BAIAP2: variants seen among roughly 807,000 people sequenced by gnomAD.
The protein encoded by BAIAP2 is BAR/IMD domain-containing adapter protein 2.
BAIAP2 carries 18 observed loss-of-function variants against 63.0 expected under a neutral mutation model. That is an observed-to-expected ratio of 0.29 (90% CI 0.20 to 0.42). The LOEUF is 0.42. Ranked by LOEUF, BAIAP2 falls within the 10% of genes least tolerant of loss-of-function variation. The probability of loss-of-function intolerance (pLI) is 1.00; values close to 1 mark genes in which losing one functional copy is unlikely to be tolerated. For missense variants in BAIAP2, 610 were observed against 734.3 expected (o/e 0.83, Z 1.96); for synonymous variants, 386 against 307.6 (o/e 1.25, Z -2.67).
intron 3 of BAIAP2, among the ~76,000 whole-genome samples, chr17:81,060,393 C>G (rs752300743): frequency 1.6e-4 from 24 of 152,332 alleles, no homozygotes; most frequent in Non-Finnish European, 2.8e-4. Context: ...ACCACTGTGT[C>G]TGTCTCTCCG....
rs111344976 is a variant in BAIAP2, at chr17:81,090,378, T to A, written c.489+3798T>A. Among the ~76,000 whole-genome samples the A allele has an allele frequency of 1.7e-4, 26 of 152,338 alleles. 2 individuals carry two copies. The highest frequency in any genetic ancestry group is 6.3e-4 in the African/African-American group (26 of 41,580). ...GGACCTCCGCCTCTGCTCCTCCCCA[T>A]CCGCCTCCTTCCTCTGTCAATGGGA... On this transcript the variant is annotated intron_variant, in intron 6 of 13. Coordinates refer to ENST00000428708, the MANE Select transcript of BAIAP2 (RefSeq NM_001144888.2).
intron 6 of BAIAP2, chr17:81,087,505 C>T (rs1029381849): frequency 4.6e-5 from 7 of 152,274 alleles, no homozygotes; most frequent in African/African-American, 1.7e-4. Flanking sequence ...CCCCCGCTCC[C>T]TGCTTAACTG....
At chr17:81,068,661 C>T (rs901649662) in intron 3 of BAIAP2, among the ~76,000 whole-genome samples, 1 of 152,230 alleles carries the variant, frequency 6.6e-6, no homozygotes, top group Admixed American at 6.5e-5. Context: ...CCCCGCTTCC[C>T]TGCCCTGGGG....
At position 81,053,670 on chromosome 17, in the gene BAIAP2, C is replaced by A; in HGVS notation, c.57C>A (p.Thr19=). 6.2e-7 allele frequency: 1 copy of A among 1,614,122 alleles called. No individual in the cohort carries two copies. Among genetic ancestry groups the A allele is most frequent in the African/African-American group, 1.3e-5 (1 of 75,052 alleles). ...MHRLTENVYK[T]IMEQFNPSLR... is the part of the protein sequence containing the mutation. ...GTTTCTTCTCTGCTTTCTTCCAGAC[C>A]ATCATGGAGCAGTTCAACCCTAGCC... Residue 19 remains threonine, a splice_region_variant and synonymous_variant, in exon 2 of 14, where the codon ACC becomes ACA. Coordinates refer to ENST00000428708, the MANE Select transcript of BAIAP2 (RefSeq NM_001144888.2).
intron 13 of BAIAP2, 51 bp from the exon 14 acceptor site, chr17:81,115,719 T>C: frequency 6.2e-7 from 1 of 1,610,636 alleles, no homozygotes; most frequent in Non-Finnish European, 8.5e-7. Context: ...GGTGGCACAA[T>C]TCACCCATGG....
At position 81,104,690 on chromosome 17, in the gene BAIAP2, T is replaced by C; in HGVS notation, c.1243T>C (p.Tyr415His). ...LVPEARDGWH[Y>H]GESEKTKMRG... ...GCCTGAGGCCCGCGATGGCTGGCAC[T>C]ACGGAGAGAGTGAGAAGACCAAGAT... is the stretch of plus-strand genomic sequence containing the variant. Residue 415 changes from tyrosine to histidine, a missense_variant, in exon 10 of 14, where the codon TAC becomes CAC. Coordinates refer to ENST00000428708, the MANE Select transcript of BAIAP2 (RefSeq NM_001144888.2). 6.3e-7 allele frequency: 1 copy of C among 1,594,192 alleles called. No individual in the cohort carries two copies. The highest frequency in any genetic ancestry group is 8.5e-7 in the Non-Finnish European group (1 of 1,170,670).
intron 1 of BAIAP2, among the ~76,000 whole-genome samples, chr17:81,044,324 C>T (rs888992432): frequency 2.0e-5 from 3 of 152,200 alleles, no homozygotes; most frequent in South Asian, 2.1e-4. Flanking sequence ...CTGCGATTGG[C>T]GGTAATGAGT....
At chr17:81,086,691 C>A in intron 6 of BAIAP2, 111 bp downstream of exon 6, 1 of 1,274,846 alleles carries the variant, frequency 7.8e-7, no homozygotes, top group Non-Finnish European at 1.1e-6. Context: ...TGCGATCAGA[C>A]AGAGGCAGGC....
intron 1 of BAIAP2, among the ~76,000 whole-genome samples, chr17:81,040,091 G>A (rs922519050): frequency 2.6e-5 from 4 of 152,214 alleles, no homozygotes; most frequent in Non-Finnish European, 5.9e-5. Flanking sequence ...GCCACCATGG[G>A]TGGGGACACT....
rs771610575 is a variant in BAIAP2, at chr17:81,084,911, G to A, written c.279+18G>A. 15 of 1,613,040 alleles carry A rather than the reference G, an allele frequency of 9.3e-6. No homozygotes were observed. Among genetic ancestry groups the A allele is most frequent in the Middle Eastern group, 3.3e-4 (2 of 6,084 alleles). On this transcript the variant is annotated intron_variant, in intron 4 of 13. Coordinates refer to ENST00000428708, the MANE Select transcript of BAIAP2 (RefSeq NM_001144888.2). ...AAGAAATGGTGAGTCCACCCCCAGC[G>A]TGGCCCTGCGAGGAGGGGCAGGTGC...
chr17:81,050,183 A>G (rs1318473009), intron 1 of BAIAP2, among the ~76,000 whole-genome samples: 1 of 152,164 alleles, frequency 6.6e-6, no homozygotes, highest in African/African-American at 2.4e-5. Flanking sequence ...AGAAGGAGGA[A>G]CTGGCCCTTC....
chr17:81,047,459 C>T (rs2047982226), intron 1 of BAIAP2, among the ~76,000 whole-genome samples: 2 of 152,346 alleles, frequency 1.3e-5, no homozygotes, highest in African/African-American at 2.4e-5. Flanking sequence ...CACGGCTCAG[C>T]CTGGCCACAC....
intron 7 of BAIAP2, 123 bp downstream of exon 7, chr17:81,100,203 T>G: frequency 7.6e-7 from 1 of 1,312,976 alleles, no homozygotes; most frequent in East Asian, 2.8e-5. Context: ...GAACTCTCGT[T>G]TATTTCGGGT....
intron 13 of BAIAP2, among the ~76,000 whole-genome samples, chr17:81,113,067 C>T (rs1182367923): frequency 6.6e-6 from 1 of 152,126 alleles, no homozygotes; most frequent in Non-Finnish European, 1.5e-5. Flanking sequence ...AATAATAATA[C>T]AATTTAAAAA....
At chr17:81,048,456 G>T (rs1182094092) in intron 1 of BAIAP2, among the ~76,000 whole-genome samples, 1 of 151,880 alleles carries the variant, frequency 6.6e-6, no homozygotes, top group African/African-American at 2.4e-5. Context: ...TTTGGCAGAG[G>T]TCCTTTCTGT....
At chr17:81,101,152 CTG>C (rs1167881901) in intron 7 of BAIAP2, among the ~76,000 whole-genome samples, 1 of 152,260 alleles carries the variant, frequency 6.6e-6, no homozygotes. Context: ...TCCTGCAGCC[CTG>C]TGTTTCCGGC....
intron 1 of BAIAP2, 177 bp from the exon 2 acceptor site, chr17:81,053,491 A>G: frequency 1.5e-6 from 1 of 660,314 alleles, no homozygotes; most frequent in African/African-American, 1.8e-5. Flanking sequence ...CATTTTCCCA[A>G]GGACATTGAT....
intron 3 of BAIAP2, among the ~76,000 whole-genome samples, chr17:81,084,396 G>A (rs993128604): frequency 2.0e-5 from 3 of 152,188 alleles, no homozygotes; most frequent in Admixed American, 2.0e-4. Flanking sequence ...CCCCAGAGGA[G>A]GTTTGTGCGC....
At position 81,117,415 on chromosome 17, in the gene BAIAP2, C is replaced by T. The variant is rs1412011408; in HGVS notation, c.*1576C>T. On this transcript the variant is annotated 3_prime_UTR_variant, in exon 14 of 14. Coordinates refer to ENST00000428708, the MANE Select transcript of BAIAP2 (RefSeq NM_001144888.2). The stretch of plus-strand genomic sequence containing the variant: ...CCCTGCGAAGCAACAATAAACTTTA[C>T]ATCTCTTTGGCAACAATAACTTAAA... 1 of 152,324 alleles carries T rather than the reference C, an allele frequency of 6.6e-6. No homozygotes were observed. Among genetic ancestry groups the T allele is most frequent in the Non-Finnish European group, 1.5e-5 (1 of 68,062 alleles). The allele number at this position is 152,324 out of a possible 1,614,324, so 9.4% of individuals were successfully genotyped here.
Sources: allele counts gnomAD v4.1 joint callset (sites outside exome capture counted in the v4.1 genomes callset), GRCh38; gene constraint gnomAD v4.1.1; transcripts MANE v1.5; gene names NCBI Gene and HGNC (gene_info 2026-07-23, HGNC 2026-07-21).